Variants in MAN1C1 observed in about 807,000 individuals in gnomAD.
The protein encoded by MAN1C1 is mannosidase alpha class 1C member 1, also known as mannosyl-oligosaccharide 1,2-alpha-mannosidase IC.
In MAN1C1, 49 loss-of-function variants were observed where a neutral mutation model predicts 71.5. The observed-to-expected ratio is 0.69, with a 90% CI of 0.54 to 0.87. The LOEUF (loss-of-function observed/expected upper bound fraction) is 0.87, where lower values mean the gene tolerates loss of function less well. Ranked by LOEUF, MAN1C1 falls within the 40% of genes least tolerant of loss-of-function variation. The pLI is 0.00. For synonymous variants in MAN1C1, 352 were observed against 343.7 expected (o/e 1.02, Z -0.27); for missense variants, 743 against 835.0 (o/e 0.89, Z 1.36).
chr1:25,720,442 C>T (rs374236135), intron 2 of MAN1C1, among the ~76,000 whole-genome samples: 3 of 152,154 alleles, frequency 2.0e-5, no homozygotes, highest in Admixed American at 2.0e-4. Flanking sequence ...AACTTCGGAC[C>T]TCTGGTGATC....
intron 2 of MAN1C1, among the ~76,000 whole-genome samples, chr1:25,745,899 G>A (rs1200144035): frequency 6.6e-6 from 1 of 152,064 alleles, no homozygotes; most frequent in African/African-American, 2.4e-5. Flanking sequence ...GCTGAGGCAC[G>A]AGAATCGCTT....
At chr1:25,756,169 A>G (rs2047283608) in intron 5 of MAN1C1, among the ~76,000 whole-genome samples, 1 of 152,256 alleles carries the variant, frequency 6.6e-6, no homozygotes, top group Non-Finnish European at 1.5e-5. Flanking sequence ...GATAAAAATG[A>G]CAATACTTAC....
rs1010975457 is a variant in MAN1C1 at position 25,631,641 on chromosome 1, G to T, written c.540+13304G>T. Among the ~76,000 whole-genome samples, 1 of 152,094 alleles carries T rather than the reference G, an allele frequency of 6.6e-6. No individual in the cohort carries two copies. The highest frequency in any genetic ancestry group is 2.4e-5 in the African/African-American group (1 of 41,392). On this transcript the variant is annotated intron_variant, in intron 1 of 11. Transcript: ENST00000374332. The surrounding 1 kb of genome is among the most constrained non-coding windows in gnomAD (Gnocchi z 4.2). ...CATTTTTGATGTGCTGTTGGATTTT[G>T]TTAGCTTGTATTTTGCTGAGGATTT...
Position 25,720,154 on chromosome 1 carries a change from C to G in MAN1C1, c.638-26514C>G, listed in dbSNP as rs555926789. On this transcript the variant is annotated intron_variant, in intron 2 of 11. Coordinates refer to ENST00000374332, the MANE Select transcript of MAN1C1 (RefSeq NM_020379.4). The stretch of plus-strand genomic sequence containing the variant: ...AACATCTTTTCATGTGCTTTTTCAT[C>G]CTTTGTGTGTTGTCTTTAGAGAAAT... 2.7e-3 allele frequency among the ~76,000 whole-genome samples: 414 copies of G among 152,020 alleles called. 1 individual carries two copies. The highest frequency in any genetic ancestry group is 9.5e-3 in the African/African-American group (396 of 41,474).
At position 25,740,067 on chromosome 1, in the gene MAN1C1, T is replaced by A. The variant is rs553474596; in HGVS notation, c.638-6601T>A. ...GTGGCGGTGAACCGAGTTCTCTCCC[T>A]AGGAGCCAACCCCTCAGGAGAAGAC... On this transcript the variant is annotated intron_variant, in intron 2 of 11. Transcript: ENST00000374332. 9.2e-5 allele frequency among the ~76,000 whole-genome samples: 14 copies of A among 152,202 alleles called. No homozygotes were observed. The South Asian group carries it at 2.9e-3, about 32-fold the overall frequency.
intron 1 of MAN1C1, among the ~76,000 whole-genome samples, chr1:25,670,938 G>A (rs974614998): frequency 3.5e-4 from 53 of 152,220 alleles, no homozygotes; most frequent in African/African-American, 1.2e-3. Context: ...GTGCAGTGGC[G>A]TGATCTTGGC....
intron 2 of MAN1C1, among the ~76,000 whole-genome samples, chr1:25,691,299 A>G (rs2124190459): frequency 6.6e-6 from 1 of 152,316 alleles, no homozygotes; most frequent in East Asian, 1.9e-4. Context: ...CCTGGGCAAC[A>G]GAGACTCTGT....
chr1:25,657,274 G>C (rs1476096964), intron 1 of MAN1C1, among the ~76,000 whole-genome samples: 1 of 152,226 alleles, frequency 6.6e-6, no homozygotes, highest in Non-Finnish European at 1.5e-5. Context: ...GGAGCTTTCA[G>C]ACTGAGCAGA....
At chr1:25,647,229 C>T (rs1039170913) in intron 1 of MAN1C1, among the ~76,000 whole-genome samples, 1 of 152,102 alleles carries the variant, frequency 6.6e-6, no homozygotes, top group African/African-American at 2.4e-5. Context: ...AGGGTCTGGT[C>T]CTCAGGGGTG....
At chr1:25,699,618 C>T (rs1440824143) in intron 2 of MAN1C1, among the ~76,000 whole-genome samples, 2 of 152,186 alleles carry the variant, frequency 1.3e-5, no homozygotes, top group African/African-American at 4.8e-5. Context: ...GGCCTGATCC[C>T]CATCACAGAG....
chr1:25,757,649 A>G lies in MAN1C1; in HGVS notation c.930-943A>G, dbSNP rs562979841. Among the ~76,000 whole-genome samples, 53 of 152,336 alleles carry G rather than the reference A, an allele frequency of 3.5e-4. 1 individual carries two copies. Among genetic ancestry groups the G allele is most frequent in the African/African-American group, 1.0e-3 (43 of 41,582 alleles). ...GTCTTACGGATGCAGGCACGGAGGC[A>G]TGCGAGGATTAAGTGGTTTGCCCGA... On this transcript the variant is annotated intron_variant, in intron 5 of 11. Coordinates refer to ENST00000374332, the MANE Select transcript of MAN1C1 (RefSeq NM_020379.4).
intron 2 of MAN1C1, among the ~76,000 whole-genome samples, chr1:25,722,051 T>C (rs894100464): frequency 6.6e-6 from 1 of 152,250 alleles, no homozygotes; most frequent in Non-Finnish European, 1.5e-5. Context: ...ATAATTAGGC[T>C]GAATAAAGAA....
chr1:25,738,128 A>G (rs1157387657), intron 2 of MAN1C1, among the ~76,000 whole-genome samples: 1 of 152,158 alleles, frequency 6.6e-6, no homozygotes, highest in African/African-American at 2.4e-5. Flanking sequence ...TCCAGGAAGA[A>G]TCCCTAAAAA....
At chr1:25,660,803 A>G (rs919885756) in intron 1 of MAN1C1, among the ~76,000 whole-genome samples, 1 of 151,180 alleles carries the variant, frequency 6.6e-6, no homozygotes, top group Non-Finnish European at 1.5e-5. Context: ...GGGTCCTCCC[A>G]CCTCAGCCTC....
rs111830595 is a variant in MAN1C1 at position 25,769,462 on chromosome 1, G to T, written c.1142-2195G>T. Among the ~76,000 whole-genome samples the T allele has an allele frequency of 0.032, 4,886 of 152,120 alleles. 231 individuals are homozygous for T. Among genetic ancestry groups the T allele is most frequent in the African/African-American group, 0.11 (4,526 of 41,440 alleles). Reference sequence around the variant, plus strand: ...GTGAGATGCCCACATAAGTGCCCCTGAGAGGCAGCTGCATCTCAACACCGC... The same window carrying T: ...GTGAGATGCCCACATAAGTGCCCCTTAGAGGCAGCTGCATCTCAACACCGC... On this transcript the variant is annotated intron_variant, in intron 7 of 11. Coordinates refer to ENST00000374332, the MANE Select transcript of MAN1C1 (RefSeq NM_020379.4). This position sits in a 1 kb window ranked among gnomAD's most constrained non-coding sequence, Gnocchi z 4.8.
chr1:25,681,099 A>G (rs2982319), intron 1 of MAN1C1, among the ~76,000 whole-genome samples: 33,176 of 151,584 alleles, frequency 0.22, 6,165 homozygotes, highest in African/African-American at 0.51. Context: ...AAAAAAGCAT[A>G]CCTGTAATCC....
At chr1:25,636,402 T>C (rs1391446654) in intron 1 of MAN1C1, among the ~76,000 whole-genome samples, 1 of 152,282 alleles carries the variant, frequency 6.6e-6, no homozygotes, top group East Asian at 1.9e-4. Flanking sequence ...CCCCCAGGAA[T>C]ACATTCCTTC....
chr1:25,736,808 T>TGAGC (rs779309464), intron 2 of MAN1C1, among the ~76,000 whole-genome samples: 68 of 152,350 alleles, frequency 4.5e-4, no homozygotes, highest in Non-Finnish European at 8.7e-4. Context: ...ATTACATGCC[T>TGAGC]GAGCCACTGC....
chr1:25,696,173 A>G (rs1213849014), intron 2 of MAN1C1, among the ~76,000 whole-genome samples: 5 of 152,208 alleles, frequency 3.3e-5, no homozygotes, highest in African/African-American at 1.2e-4. Context: ...GGCTGAGCCT[A>G]CAGCAAGAGC....
Sources: allele counts gnomAD v4.1 joint callset (sites outside exome capture counted in the v4.1 genomes callset), GRCh38; gene constraint gnomAD v4.1.1; non-coding constraint Gnocchi (gnomAD v3.1); transcripts MANE v1.5; gene names NCBI Gene and HGNC (gene_info 2026-07-23, HGNC 2026-07-21).